The following CNTNAP2 variants were observed in gnomAD, a reference collection of about 807,000 sequenced individuals.
CNTNAP2 encodes the protein contactin-associated protein-like 2.
In CNTNAP2, 98 loss-of-function variants were observed where a neutral mutation model predicts 155.2. The observed-to-expected ratio is 0.63, with a 90% CI of 0.54 to 0.75. CNTNAP2 has a LOEUF of 0.75. Among genes scored for constraint, CNTNAP2 ranks in the 30% least tolerant of loss-of-function variants. The probability of loss-of-function intolerance (pLI) is 0.00; values close to 1 mark genes in which losing one functional copy is unlikely to be tolerated. For synonymous variants in CNTNAP2, 651 were observed against 631.2 expected, an observed-to-expected ratio of 1.03 and a Z score of -0.47; for missense variants, 1,727 against 1,688.1, an observed-to-expected ratio of 1.02 and a Z score of -0.40.
intron 1 of CNTNAP2, among the ~76,000 whole-genome samples, chr7:146,341,711 T>A (rs1175008128): frequency 6.6e-6 from 1 of 152,084 alleles, no homozygotes; most frequent in Non-Finnish European, 1.5e-5. Context: ...CTAGTGTTAA[T>A]TTCAAAAACA....
At chr7:147,376,606 G>C (rs1380471420) in intron 9 of CNTNAP2, among the ~76,000 whole-genome samples, 1 of 151,600 alleles carries the variant, frequency 6.6e-6, no homozygotes, top group Non-Finnish European at 1.5e-5. Flanking sequence ...ATTTTTCTCA[G>C]TATCAGTGAG....
chr7:147,169,678 T>C (rs1052211826), intron 8 of CNTNAP2, among the ~76,000 whole-genome samples: 1 of 151,966 alleles, frequency 6.6e-6, no homozygotes, highest in Non-Finnish European at 1.5e-5. Flanking sequence ...GAGGGAAATC[T>C]AGAGGAATGG....
intron 17 of CNTNAP2, among the ~76,000 whole-genome samples, chr7:148,160,775 C>T (rs902392217): frequency 1.1e-4 from 17 of 152,094 alleles, no homozygotes; most frequent in Admixed American, 6.5e-4. Context: ...TGTTGTTTTT[C>T]TTACCTACCC....
intron 11 of CNTNAP2, among the ~76,000 whole-genome samples, chr7:147,555,631 G>T (rs1285372515): frequency 6.6e-6 from 1 of 152,318 alleles, no homozygotes; most frequent in East Asian, 1.9e-4. Flanking sequence ...CAGGAAGACT[G>T]CTTATGATGT....
intron 12 of CNTNAP2, among the ~76,000 whole-genome samples, chr7:147,572,273 A>G (rs1294435432): frequency 6.6e-6 from 1 of 152,082 alleles, no homozygotes; most frequent in East Asian, 1.9e-4. Flanking sequence ...ATACTATAGA[A>G]GTTCTCAAAT....
intron 13 of CNTNAP2, among the ~76,000 whole-genome samples, chr7:147,706,047 A>G (rs777051302): frequency 1.2e-4 from 19 of 152,004 alleles, no homozygotes; most frequent in Non-Finnish European, 2.4e-4. Flanking sequence ...TTTACATTCA[A>G]AGTTATTGTT....
intron 15 of CNTNAP2, among the ~76,000 whole-genome samples, chr7:148,110,132 TTTG>T (rs1804315464): frequency 6.6e-6 from 1 of 151,920 alleles, no homozygotes; most frequent in Non-Finnish European, 1.5e-5. Context: ...CATCCTAACC[TTTG>T]TATAAGGGCA....
chr7:147,807,969 A>G (rs1798118421), intron 13 of CNTNAP2, among the ~76,000 whole-genome samples: 1 of 151,784 alleles, frequency 6.6e-6, no homozygotes, highest in Non-Finnish European at 1.5e-5. Flanking sequence ...CTTTAGTGAT[A>G]TGTTCACTTT....
chr7:146,659,969 G>C (rs914165072), intron 1 of CNTNAP2, among the ~76,000 whole-genome samples: 7 of 152,182 alleles, frequency 4.6e-5, no homozygotes, highest in African/African-American at 1.7e-4. Context: ...CTGCATATGA[G>C]AGCAGATTAT....
chr7:147,099,823 C>CA (rs1353631458), intron 4 of CNTNAP2, among the ~76,000 whole-genome samples: 57 of 152,056 alleles, frequency 3.7e-4, no homozygotes, highest in South Asian at 1.2e-3. Flanking sequence ...TTTTCGCCAG[C>CA]AAAAAAACTA....
chr7:146,655,138 A>G (rs1221161264), intron 1 of CNTNAP2, among the ~76,000 whole-genome samples: 2 of 151,988 alleles, frequency 1.3e-5, no homozygotes, highest in African/African-American at 4.8e-5. Flanking sequence ...AATATGTCAC[A>G]TTTTTTAAAG....
At chr7:146,933,916 G>A (rs1275979313) in intron 3 of CNTNAP2, among the ~76,000 whole-genome samples, 1 of 151,722 alleles carries the variant, frequency 6.6e-6, no homozygotes, top group African/African-American at 2.4e-5. Context: ...AGTTAGAATG[G>A]CAATCATTAA....
chr7:146,398,372 G>A (rs989984226), intron 1 of CNTNAP2, among the ~76,000 whole-genome samples: 1 of 151,870 alleles, frequency 6.6e-6, no homozygotes, highest in Non-Finnish European at 1.5e-5. Context: ...AGAAGAATGA[G>A]AGCAGAGCGA....
chr7:146,317,312 C>A lies in CNTNAP2; in HGVS notation c.97+200339C>A, dbSNP rs140323780. On this transcript the variant is annotated intron_variant, in intron 1 of 23. Coordinates refer to ENST00000361727, the MANE Select transcript of CNTNAP2 (RefSeq NM_014141.6). ...ATATAAGTTCCAAGACAGGCTAAAT[C>A]CAGTATACTGCCTTGTATTTTTTTG... Among the ~76,000 whole-genome samples, 1,212 of 152,232 alleles carry A rather than the reference C, an allele frequency of 8.0e-3. 12 individuals carry two copies. Among genetic ancestry groups the A allele is most frequent in the Middle Eastern group, 0.024 (7 of 294 alleles).
chr7:146,376,119 G>A (rs1040082461), intron 1 of CNTNAP2, among the ~76,000 whole-genome samples: 1 of 152,068 alleles, frequency 6.6e-6, no homozygotes, highest in African/African-American at 2.4e-5. Context: ...CTTGCCTTAT[G>A]TTTCAGTAAA....
At chr7:148,101,168 G>A (rs1383329196) in intron 15 of CNTNAP2, among the ~76,000 whole-genome samples, 1 of 151,456 alleles carries the variant, frequency 6.6e-6, no homozygotes, top group East Asian at 1.9e-4. Context: ...AGCATTAGGA[G>A]TAATACCTAA....
chr7:146,347,801 A>G (rs1283883865), intron 1 of CNTNAP2, among the ~76,000 whole-genome samples: 1 of 152,122 alleles, frequency 6.6e-6, no homozygotes, highest in Non-Finnish European at 1.5e-5. Context: ...CCTGATCTCA[A>G]TTGATCCACT....
chr7:146,602,393 C>T (rs1798963894), intron 1 of CNTNAP2, among the ~76,000 whole-genome samples: 1 of 152,104 alleles, frequency 6.6e-6, no homozygotes, highest in Admixed American at 6.6e-5. Context: ...GGTGTTTATT[C>T]ATACAGAGTA....
At chr7:147,099,451 A>G (rs968050672) in intron 4 of CNTNAP2, among the ~76,000 whole-genome samples, 9 of 152,256 alleles carry the variant, frequency 5.9e-5, no homozygotes, top group African/African-American at 2.2e-4. Context: ...AAGAAATGAC[A>G]CAGGTGGCTG....
Sources: allele counts gnomAD v4.1 joint callset (sites outside exome capture counted in the v4.1 genomes callset), GRCh38; gene constraint gnomAD v4.1.1; transcripts MANE v1.5; gene names NCBI Gene and HGNC (gene_info 2026-07-23, HGNC 2026-07-21).